The following LRRIQ3 variants were observed in gnomAD, a reference collection of about 807,000 sequenced individuals.
LRRIQ3 encodes the protein leucine-rich repeat and IQ domain-containing protein 3.
In LRRIQ3, 75 loss-of-function variants were observed where a neutral mutation model predicts 59.3. The observed-to-expected ratio is 1.26, with a 90% CI of 1.05 to 1.53. LRRIQ3 has a LOEUF of 1.53. LRRIQ3 is among the 40% of genes most tolerant of loss of function. The pLI is 0.00. For missense variants in LRRIQ3, 831 were observed against 710.0 expected (o/e 1.17, Z -1.94); for synonymous variants, 250 against 231.3 (o/e 1.08, Z -0.73).
intron 4 of LRRIQ3, among the ~76,000 whole-genome samples, chr1:74,130,674 T>C (rs1475363303): frequency 1.3e-5 from 2 of 152,138 alleles, no homozygotes; most frequent in Non-Finnish European, 2.9e-5. Flanking sequence ...TAGAGGTTTC[T>C]ATTCTTCTAC....
intron 4 of LRRIQ3, among the ~76,000 whole-genome samples, chr1:74,122,429 T>C (rs1021043326): frequency 5.9e-5 from 9 of 151,906 alleles, no homozygotes; most frequent in African/African-American, 2.2e-4. Flanking sequence ...GATGGGGTTG[T>C]TTTTTTCTTA....
At chr1:74,181,962 C>G (rs1049867564) in intron 3 of LRRIQ3, 2 of 151,550 alleles carry the variant, frequency 1.3e-5, no homozygotes, top group Non-Finnish European at 3.0e-5. Flanking sequence ...CTAATTTAAC[C>G]CCCTCTTTTG....
intron 4 of LRRIQ3, among the ~76,000 whole-genome samples, chr1:74,147,134 A>G (rs6424575): frequency 0.85 from 129,177 of 152,036 alleles, 55,751 homozygotes; most frequent in East Asian, 0.97. Context: ...AGGCTGAGGT[A>G]GAAGAATCGC....
intron 5 of LRRIQ3, among the ~76,000 whole-genome samples, chr1:74,097,315 T>C (rs1223364761): frequency 2.0e-5 from 3 of 152,042 alleles, no homozygotes; most frequent in Admixed American, 6.6e-5. Context: ...GTATCAGTGA[T>C]TGAAGATCAA....
At chr1:74,100,021 A>G (rs1646507377) in intron 5 of LRRIQ3, among the ~76,000 whole-genome samples, 1 of 151,940 alleles carries the variant, frequency 6.6e-6, no homozygotes, top group South Asian at 2.1e-4. Context: ...CTCTCTCACC[A>G]CTCCTATTCA....
chr1:74,069,564 G>A (rs764429577), intron 6 of LRRIQ3, among the ~76,000 whole-genome samples: 2 of 151,800 alleles, frequency 1.3e-5, no homozygotes, highest in Non-Finnish European at 1.5e-5. Context: ...GAAGATAAAA[G>A]CACCTATTAT....
chr1:74,092,068 C>T (rs1165545289), intron 5 of LRRIQ3, among the ~76,000 whole-genome samples: 1 of 152,088 alleles, frequency 6.6e-6, no homozygotes, highest in Non-Finnish European at 1.5e-5. Flanking sequence ...ACTTAAAACA[C>T]ATCTGCAAGT....
chr1:74,125,882 G>A (rs970837692), intron 4 of LRRIQ3, among the ~76,000 whole-genome samples: 77 of 151,822 alleles, frequency 5.1e-4, no homozygotes, highest in African/African-American at 1.4e-3. Flanking sequence ...GAGATTGGAA[G>A]TATTCCTTAC....
Position 74,041,601 on chromosome 1 carries a change from C to T in LRRIQ3, c.1330G>A (p.Ala444Thr). The change falls in exon 7 of 8, where the codon GCC becomes ACC. Residue 444 changes from alanine to threonine, a missense_variant. Transcript: ENST00000354431. ...EYHKEKVRVV[A>T]MAQVARERVR... The stretch of plus-strand genomic sequence containing the variant: ...CTTTCTCGAGCAACTTGTGCCATGG[C>T]TACAACTCTTACTTTTTCTTTATGG... 6.2e-7 allele frequency: 1 copy of T among 1,613,788 alleles called. No homozygotes were observed. Among genetic ancestry groups the T allele is most frequent in the Non-Finnish European group, 8.5e-7 (1 of 1,179,858 alleles).
chr1:74,173,294 CAA>C (rs71078187), intron 3 of LRRIQ3, among the ~76,000 whole-genome samples: 76 of 117,442 alleles, frequency 6.5e-4, no homozygotes, highest in Non-Finnish European at 7.2e-4. Flanking sequence ...GAGTCCATCT[CAA>C]AAAAAAAAAA....
intron 4 of LRRIQ3, among the ~76,000 whole-genome samples, chr1:74,124,538 A>G (rs1275847891): frequency 2.0e-5 from 3 of 151,972 alleles, no homozygotes; most frequent in Admixed American, 1.3e-4. Flanking sequence ...ATTTTTCTAT[A>G]TGGTCAGAGA....
At chr1:74,157,361 AT>A (rs759780224) in intron 3 of LRRIQ3, among the ~76,000 whole-genome samples, 2 of 151,990 alleles carry the variant, frequency 1.3e-5, no homozygotes, top group Non-Finnish European at 2.9e-5. Context: ...TTTGTCTAAG[AT>A]TGGCACTCTA....
chr1:74,079,322 T>C (rs897285171), intron 5 of LRRIQ3, among the ~76,000 whole-genome samples: 12 of 151,736 alleles, frequency 7.9e-5, no homozygotes, highest in African/African-American at 2.9e-4. Context: ...ATGCAGACTC[T>C]TGAACAAACC....
At chr1:74,029,253 T>C (rs1232220477) in intron 7 of LRRIQ3, among the ~76,000 whole-genome samples, 2 of 152,144 alleles carry the variant, frequency 1.3e-5, no homozygotes, top group Non-Finnish European at 2.9e-5. Context: ...AACACTATGT[T>C]GAATAGGAGT....
At chr1:74,074,817 CAATGAT>C (rs748154042) in intron 5 of LRRIQ3, 27 bp from the exon 6 acceptor site, 2 of 1,131,024 alleles carry the variant, frequency 1.8e-6, no homozygotes, top group Admixed American at 2.8e-5. Flanking sequence ...AAAGCAATGA[CAATGAT>C]AATATCTCAT....
At chr1:74,128,877 C>T (rs889709132) in intron 4 of LRRIQ3, among the ~76,000 whole-genome samples, 1 of 152,060 alleles carries the variant, frequency 6.6e-6, no homozygotes, top group Non-Finnish European at 1.5e-5. Flanking sequence ...GGTACTTCCA[C>T]GAAATTCTTC....
At chr1:74,149,501 A>G (rs923066181) in intron 4 of LRRIQ3, among the ~76,000 whole-genome samples, 1 of 152,124 alleles carries the variant, frequency 6.6e-6, no homozygotes, top group Non-Finnish European at 1.5e-5. Flanking sequence ...GACTTACAGC[A>G]ATGTGCCTTT....
At chr1:74,173,899 G>A (rs907873406) in intron 3 of LRRIQ3, among the ~76,000 whole-genome samples, 6 of 151,994 alleles carry the variant, frequency 3.9e-5, no homozygotes, top group African/African-American at 1.5e-4. Flanking sequence ...ATTTTTGGTT[G>A]TCACGTTTTG....
chr1:74,187,768 A>G (rs190021715), intron 1 of LRRIQ3, among the ~76,000 whole-genome samples: 1 of 152,250 alleles, frequency 6.6e-6, no homozygotes, highest in Admixed American at 6.5e-5. Context: ...AAAAGTCAAA[A>G]AATAACAGAT....
Sources: gnomAD v4.1 joint callset for allele counts (sites outside exome capture counted in the v4.1 genomes callset) on GRCh38, gnomAD v4.1.1 for gene constraint, MANE v1.5 for transcripts, NCBI Gene and HGNC (gene_info 2026-07-23, HGNC 2026-07-21) for gene names.